Variants in EPHB6 observed in about 807,000 individuals in gnomAD.
The protein encoded by EPHB6 is ephrin type-B receptor 6.
Under a neutral mutation model 107.0 loss-of-function variants are expected in EPHB6, and 51 were observed. That is an observed-to-expected ratio of 0.48 (90% CI 0.38 to 0.60). EPHB6 has a LOEUF of 0.60. Ranked by LOEUF, EPHB6 falls within the 20% of genes least tolerant of loss-of-function variation. The pLI, the probability that EPHB6 is intolerant of heterozygous loss-of-function variation, is 0.00. For missense variants in EPHB6, 1,141 were observed against 1,355.5 expected (o/e 0.84, Z 2.48); for synonymous variants, 553 against 549.0 (o/e 1.01, Z -0.10).
rs756241644 is a variant in EPHB6 at position 142,864,553 on chromosome 7, TG to T, written c.760del (p.Ala254ProfsTer21). The T allele has an allele frequency of 2.5e-6, 4 of 1,613,126 alleles. No individual in the cohort carries two copies. Among genetic ancestry groups the T allele is most frequent in the South Asian group, 1.1e-5 (1 of 91,076 alleles). On this transcript the variant is annotated frameshift_variant, in exon 7 of 20. Transcript: ENST00000652003. LOFTEE classifies it high-confidence loss of function. ...TTCCAGAGACGCAGGCCAGTGGGGCTGGGGGGGCCTCCCTGGTGGCAGCTGT... is the reference window on the plus strand; with the variant it reads ...TTCCAGAGACGCAGGCCAGTGGGGCTGGGGGGCCTCCCTGGTGGCAGCTGT... Reference protein sequence around the residue: ...SFPETQASGAGGASLVAAVGT... With the variant: ...SFPETQASGAXGASLVAAVGT...
Position 142,867,364 on chromosome 7 carries a change from G to A in EPHB6, c.1751-244G>A. The A allele has an allele frequency of 3.1e-6, 2 of 638,398 alleles. No individual in the cohort carries two copies. The highest frequency in any genetic ancestry group is 5.7e-6 in the Non-Finnish European group (2 of 352,532). 39.5% of individuals were successfully genotyped at this position (638,398 alleles called of 1,614,324 possible). On this transcript the variant is annotated intron_variant, in intron 11 of 19. Transcript: ENST00000652003. The surrounding 1 kb of genome is among the most constrained non-coding windows in gnomAD (Gnocchi z 5.3). The stretch of plus-strand genomic sequence containing the variant: ...GGCTGTGGGCGTGTGTGTGTGTTGT[G>A]TGTCCCTGTGTGTGGATGTGGAGGG...
chr7:142,865,908 C>A (rs1563342040), intron 8 of EPHB6, 52 bp from the exon 9 acceptor site: 9 of 1,575,340 alleles, frequency 5.7e-6, no homozygotes, highest in Non-Finnish European at 7.9e-6. Flanking sequence ...CCTCAATCAC[C>A]CCCACTGCTG....
Position 142,866,792 on chromosome 7 carries a change from G to A in EPHB6, c.1588-114G>A. On this transcript the variant is annotated intron_variant, in intron 10 of 19. Coordinates refer to ENST00000652003, the MANE Select transcript of EPHB6 (RefSeq NM_004445.6). This position sits in a 1 kb window ranked among gnomAD's most constrained non-coding sequence, Gnocchi z 5.2. ...AAGGAGAGGTGCCCAGAAGTGTGCA[G>A]CACTGGGCATGTGTCTGAGAGCCCT... 1 of 1,577,186 alleles carries A rather than the reference G, an allele frequency of 6.3e-7. No individual in the cohort carries two copies. Among genetic ancestry groups the A allele is most frequent in the Non-Finnish European group, 8.7e-7 (1 of 1,149,198 alleles).
In EPHB6 at chr7:142,869,682, C is replaced by T. The variant is rs1447756958; in HGVS notation, c.2461-135C>T. 2.9e-6 allele frequency: 3 copies of T among 1,035,036 alleles called. No homozygotes were observed. Among genetic ancestry groups the T allele is most frequent in the Admixed American group, 2.0e-5 (1 of 50,090 alleles). The allele number at this position is 1,035,036 out of a possible 1,614,324, so 64.1% of individuals were successfully genotyped here. ...TGTGAAATGGAGATGATATCATCCA[C>T]CTTAGAGGGTTGTTATGAGGATTAA... On this transcript the variant is annotated intron_variant, in intron 16 of 19. Coordinates refer to ENST00000652003, the MANE Select transcript of EPHB6 (RefSeq NM_004445.6). The surrounding 1 kb of genome is among the most constrained non-coding windows in gnomAD (Gnocchi z 4.5).
At chr7:142,859,327 CT>C (rs1290237454) in intron 1 of EPHB6, among the ~76,000 whole-genome samples, 2 of 152,194 alleles carry the variant, frequency 1.3e-5, no homozygotes, top group Non-Finnish European at 1.5e-5. Context: ...TTGAAGACAC[CT>C]TTGAAAAATC....
At chr7:142,860,087 C>T (rs1407180173) in intron 1 of EPHB6, among the ~76,000 whole-genome samples, 1 of 152,220 alleles carries the variant, frequency 6.6e-6, no homozygotes, top group Non-Finnish European at 1.5e-5. Context: ...ATCTGCAGCG[C>T]ATCTTTTCTA....
At position 142,864,197 on chromosome 7, in the gene EPHB6, C is replaced by T. The variant is rs1308483935; in HGVS notation, c.397C>T (p.Arg133Cys). 3.1e-6 allele frequency: 5 copies of T among 1,613,784 alleles called. No individual in the cohort carries two copies. Among genetic ancestry groups the T allele is most frequent in the Admixed American group, 1.7e-5 (1 of 60,018 alleles). The part of the protein sequence containing the change: ...TCRETFTLYY[R>C]QAEEPDSPDS... ...CCGGGAGACCTTCACCCTTTACTAC[C>T]GTCAGGCTGAGGAGCCCGACAGCCC... The change falls in exon 7 of 20, where the codon CGT becomes TGT. Residue 133 changes from arginine (R) to cysteine (C), a missense_variant. By Grantham distance (180) the Arg-to-Cys change is radical. This residue lies in a region of EPHB6 where 221 missense variants were observed against 300.5 expected (regional missense o/e 0.74). Transcript: ENST00000652003.
At chr7:142,857,574 G>A (rs1034175873) in intron 1 of EPHB6, among the ~76,000 whole-genome samples, 2 of 152,290 alleles carry the variant, frequency 1.3e-5, no homozygotes, top group East Asian at 3.9e-4. Context: ...CAGGTGTAAG[G>A]ACCAGCCCAG....
intron 1 of EPHB6, among the ~76,000 whole-genome samples, chr7:142,858,205 A>C (rs1311029023): frequency 6.6e-6 from 1 of 152,104 alleles, no homozygotes; most frequent in Non-Finnish European, 1.5e-5. Context: ...ACAGTAACCC[A>C]TTTTAATGGC....
Position 142,866,946 on chromosome 7 carries a change from C to A in EPHB6, c.1628C>A (p.Thr543Asn), listed in dbSNP as rs758344426. ...ESHSFTLTSE[T>N]NTATVTQLSP... is the part of the protein sequence containing the mutation. ...CACTCCTTCACCCTGACCAGCGAGA[C>A]CAACACTGCCACCGTGACACAGCTG... is the stretch of plus-strand genomic sequence containing the variant. Residue 543 changes from threonine (T) to asparagine (N), a missense_variant, in exon 11 of 20, where the codon ACC becomes AAC. Physicochemically the swap from Thr to Asn is moderately conservative, Grantham distance 65. Around this residue, in one of 3 missense-constraint regions of EPHB6, gnomAD observed 616 missense variants for 759.3 expected, o/e 0.81. Transcript: ENST00000652003. The surrounding 1 kb of genome is among the most constrained non-coding windows in gnomAD (Gnocchi z 5.2). 1 of 1,613,668 alleles carries A rather than the reference C, an allele frequency of 6.2e-7. No individual in the cohort carries two copies. Among genetic ancestry groups the A allele is most frequent in the Non-Finnish European group, 8.5e-7 (1 of 1,179,866 alleles).
At chr7:142,870,430 C>A in intron 18 of EPHB6, 23 bp downstream of exon 18, 1 of 1,613,888 alleles carries the variant, frequency 6.2e-7, no homozygotes, top group Non-Finnish European at 8.5e-7. Context: ...GGGCTAGAGC[C>A]TGGGAAAGCC....
chr7:142,858,602 A>ATTTTTTTTTTTTTT (rs58084930), intron 1 of EPHB6, among the ~76,000 whole-genome samples: 7 of 130,074 alleles, frequency 5.4e-5, no homozygotes, highest in African/African-American at 1.7e-4. Context: ...CGCCCAGCTA[A>ATTTTTTTTTTTTTT]TTTTTTTTTT....
In EPHB6 at chr7:142,870,585, C is replaced by A; in HGVS notation, c.2860C>A (p.Pro954Thr). 6.2e-7 allele frequency: 1 copy of A among 1,614,256 alleles called. No homozygotes were observed. Among genetic ancestry groups the A allele is most frequent in the Non-Finnish European group, 8.5e-7 (1 of 1,180,046 alleles). The change falls in exon 19 of 20, where the codon CCC becomes ACC. Residue 954 changes from proline to threonine, a missense_variant. By Grantham distance (38) the Pro-to-Thr change is conservative. Coordinates refer to ENST00000652003, the MANE Select transcript of EPHB6 (RefSeq NM_004445.6). ...VALDFPCLDSPQAWLSAIGLE... is the reference protein window; with the variant it reads ...VALDFPCLDSTQAWLSAIGLE... ...CCTGGACTTTCCTTGTCTGGACTCA[C>A]CCCAGGCCTGGCTTTCAGCCATTGG... is the stretch of plus-strand genomic sequence containing the variant.
In EPHB6 at chr7:142,864,123, A is replaced by G. The variant is rs1802995361; in HGVS notation, c.323A>G (p.His108Arg). ...GCCCAGAGGGCGCACATTCGACTCC[A>G]CTTCTCTGTGCGGGCATGCTCCAGC... Reference protein sequence around the residue: ...RGAQRAHIRLHFSVRACSSLG... With the variant: ...RGAQRAHIRLRFSVRACSSLG... Residue 108 changes from histidine (H) to arginine (R), a missense_variant, in exon 7 of 20, where the codon CAC (histidine) becomes CGC (arginine). Physicochemically the swap from His to Arg is conservative, Grantham distance 29. Around this residue, in one of 3 missense-constraint regions of EPHB6, gnomAD observed 221 missense variants for 300.5 expected, o/e 0.74. Transcript: ENST00000652003. 1 of 1,613,882 alleles carries G rather than the reference A, an allele frequency of 6.2e-7. No individual in the cohort carries two copies. Among genetic ancestry groups the G allele is most frequent in the Non-Finnish European group, 8.5e-7 (1 of 1,180,004 alleles).
rs1586165509 is a variant in EPHB6, at chr7:142,866,204, A to T, written c.1350A>T (p.Gly450=). 6.2e-7 allele frequency: 1 copy of T among 1,613,074 alleles called. No individual in the cohort carries two copies. Among genetic ancestry groups the T allele is most frequent in the Non-Finnish European group, 8.5e-7 (1 of 1,179,826 alleles). Residue 450 remains glycine, a synonymous_variant, in exon 9 of 20, where the codon GGA becomes GGT. Coordinates refer to ENST00000652003, the MANE Select transcript of EPHB6 (RefSeq NM_004445.6). This position sits in a 1 kb window ranked among gnomAD's most constrained non-coding sequence, Gnocchi z 5.2. ...CTGAGAGCCGAGTGTTAGTGGGGGGACTCCGGGCACACGTACCCTACATCT... is the reference window on the plus strand; with the variant it reads ...CTGAGAGCCGAGTGTTAGTGGGGGGTCTCCGGGCACACGTACCCTACATCT... ...GLTESRVLVG[G]LRAHVPYILE...
Position 142,864,423 on chromosome 7 carries a change from G to A in EPHB6, c.623G>A (p.Arg208His), listed in dbSNP as rs1005868917. Residue 208 changes from arginine to histidine, a missense_variant, in exon 7 of 20, where the codon CGC (arginine) becomes CAC (histidine). Around this residue, in one of 3 missense-constraint regions of EPHB6, gnomAD observed 221 missense variants for 300.5 expected, o/e 0.74. Coordinates refer to ENST00000652003, the MANE Select transcript of EPHB6 (RefSeq NM_004445.6). ...CGGAGCTTTGGGCCTCTCACCCAACGCGGCTTCTACGTGGCCTTCCAGGAC... is the reference window on the plus strand; with the variant it reads ...CGGAGCTTTGGGCCTCTCACCCAACACGGCTTCTACGTGGCCTTCCAGGAC... ...KERSFGPLTQ[R>H]GFYVAFQDTG... 8 of 1,612,202 alleles carry A rather than the reference G, an allele frequency of 5.0e-6. No individual in the cohort carries two copies. The highest frequency in any genetic ancestry group is 1.3e-5 in the African/African-American group (1 of 75,024).
In EPHB6 at chr7:142,870,056, A is replaced by G. The variant is rs146748275; in HGVS notation, c.2610+90A>G. 7.2e-5 allele frequency: 116 copies of G among 1,602,524 alleles called. No individual in the cohort carries two copies. In the East Asian group the frequency reaches 2.3e-3, roughly 32 times the overall value. On this transcript the variant is annotated intron_variant, in intron 17 of 19. Coordinates refer to ENST00000652003, the MANE Select transcript of EPHB6 (RefSeq NM_004445.6). ...GACCTCCATTCTCTACTCCGTTTGT[A>G]TTCTAAGATCTCATGGCTGTTGGAT...
chr7:142,860,961 C>T (rs1392877776), intron 1 of EPHB6, 91 bp from the exon 2 acceptor site: 1 of 152,208 alleles, frequency 6.6e-6, no homozygotes, highest in African/African-American at 2.4e-5. Context: ...CAAATCACAA[C>T]TTCTCTTCTA....
chr7:142,869,690 G>A lies in EPHB6; in HGVS notation c.2461-127G>A. The A allele has an allele frequency of 9.1e-7, 1 of 1,104,190 alleles. No individual in the cohort carries two copies. The highest frequency in any genetic ancestry group is 1.3e-6 in the Non-Finnish European group (1 of 745,516). 68.4% of individuals were successfully genotyped at this position (1,104,190 alleles called of 1,614,324 possible). A position where few individuals can be genotyped will look rare whatever the true frequency, so the allele number is the denominator to read the frequency against. ...GGAGATGATATCATCCACCTTAGAG[G>A]GTTGTTATGAGGATTAAATGAGATG... is the stretch of plus-strand genomic sequence containing the variant. On this transcript the variant is annotated intron_variant, in intron 16 of 19. Coordinates refer to ENST00000652003, the MANE Select transcript of EPHB6 (RefSeq NM_004445.6). The surrounding 1 kb of genome is among the most constrained non-coding windows in gnomAD (Gnocchi z 4.5).
Sources: gnomAD v4.1 joint callset for allele counts (sites outside exome capture counted in the v4.1 genomes callset) on GRCh38, gnomAD v4.1.1 for gene constraint, gnomAD v4.1.1 regional missense constraint, Gnocchi (gnomAD v3.1) non-coding constraint, MANE v1.5 for transcripts, NCBI Gene and HGNC (gene_info 2026-07-23, HGNC 2026-07-21) for gene names.